Variants in UBE2E2 observed in about 807,000 individuals in gnomAD.
The protein encoded by UBE2E2 is ubiquitin-conjugating enzyme E2 E2.
A neutral mutation model predicts 24.7 loss-of-function variants in UBE2E2; 6 were observed. That is an observed-to-expected ratio of 0.24 (90% CI 0.13 to 0.48). UBE2E2 has a LOEUF of 0.48. UBE2E2 is among the 20% of genes least tolerant of loss of function. The pLI, the probability that UBE2E2 is intolerant of heterozygous loss-of-function variation, is 0.99. For missense variants in UBE2E2, 169 were observed against 245.0 expected (o/e 0.69, Z 2.07); for synonymous variants, 104 against 83.6 (o/e 1.24, Z -1.33).
rs6774928 is a variant in UBE2E2 at position 23,288,794 on chromosome 3, A to G, written c.227+71482A>G. 7.2e-3 allele frequency among the ~76,000 whole-genome samples: 1,091 copies of G among 152,330 alleles called. 9 individuals are homozygous for G. The highest frequency in any genetic ancestry group is 0.019 in the African/African-American group (781 of 41,564). ...AAAAAAACTTCTCTGAGCAAAAGCA[A>G]TTTGACACTTCATAACGTCTAGAAA... On this transcript the variant is annotated intron_variant, in intron 3 of 5. Transcript: ENST00000396703.
chr3:23,285,996 C>T (rs2125375055), intron 3 of UBE2E2, among the ~76,000 whole-genome samples: 1 of 152,156 alleles, frequency 6.6e-6, no homozygotes, highest in Non-Finnish European at 1.5e-5. Flanking sequence ...TGTGGATGGC[C>T]CTTTTGCCCA....
chr3:23,571,275 C>CTTTTTTTTTTTTTTTTTTT, intron 5 of UBE2E2, among the ~76,000 whole-genome samples: 1 of 29,482 alleles, frequency 3.4e-5, no homozygotes, highest in East Asian at 7.3e-4. Flanking sequence ...CCTGTGTGCT[C>CTTTTTTTTTTTTTTTTTTT]CTTTCTTTTT....
chr3:23,505,022 C>T (rs1462034749), intron 4 of UBE2E2, among the ~76,000 whole-genome samples: 2 of 149,994 alleles, frequency 1.3e-5, no homozygotes, highest in African/African-American at 4.9e-5. Context: ...CCTTTCACGT[C>T]AGCCTCCCAA....
chr3:23,491,521 C>T (rs1699495515), intron 3 of UBE2E2, among the ~76,000 whole-genome samples: 3 of 152,144 alleles, frequency 2.0e-5, no homozygotes, highest in Admixed American at 6.5e-5. Context: ...GTCAGACCTA[C>T]AGAACATCTT....
rs542985292 is a variant in UBE2E2, at chr3:23,514,573, G to T, written c.360+14833G>T. On this transcript the variant is annotated intron_variant, in intron 4 of 5. Coordinates refer to ENST00000396703, the MANE Select transcript of UBE2E2 (RefSeq NM_152653.4). Reference sequence around the variant, plus strand: ...GCCATAAAGGCATCCAGTAAACCCAGTAGAAAGTAATATTTTATTATTATT... The same window carrying T: ...GCCATAAAGGCATCCAGTAAACCCATTAGAAAGTAATATTTTATTATTATT... 7.2e-5 allele frequency among the ~76,000 whole-genome samples: 11 copies of T among 152,040 alleles called. 1 individual carries two copies. The South Asian group carries it at 2.3e-3, about 32-fold the overall frequency.
In UBE2E2 at chr3:23,208,794, A is replaced by T; in HGVS notation, c.95A>T (p.Glu32Val). The T allele has an allele frequency of 6.2e-7, 1 of 1,613,832 alleles. No individual in the cohort carries two copies. Among genetic ancestry groups the T allele is most frequent in the Non-Finnish European group, 8.5e-7 (1 of 1,179,808 alleles). ...CGTGAAAGTGTTCAGCAAGAACCAG[A>T]AAGAGAACAAGTTCAGCCCAAGAAA... ...DQRESVQQEP[E>V]REQVQPKKKE... Residue 32 changes from glutamate (E) to valine (V), a missense_variant, in exon 2 of 6, where the codon GAA becomes GTA. Transcript: ENST00000396703.
At chr3:23,539,443 T>C (rs1695338831) in intron 5 of UBE2E2, among the ~76,000 whole-genome samples, 1 of 152,204 alleles carries the variant, frequency 6.6e-6, no homozygotes, top group African/African-American at 2.4e-5. Context: ...GCTTTTAAAG[T>C]TTAAAGTTTC....
intron 3 of UBE2E2, among the ~76,000 whole-genome samples, chr3:23,392,160 T>A (rs1394342883): frequency 6.6e-6 from 1 of 152,182 alleles, no homozygotes; most frequent in South Asian, 2.1e-4. Context: ...GCATTATGCT[T>A]AGACAGATGG....
intron 5 of UBE2E2, among the ~76,000 whole-genome samples, chr3:23,564,755 A>G (rs1376764781): frequency 6.6e-6 from 1 of 152,190 alleles, no homozygotes; most frequent in Non-Finnish European, 1.5e-5. Flanking sequence ...ACAACCAAGA[A>G]GCCAGGTTTC....
At chr3:23,255,562 A>G (rs1400312871) in intron 3 of UBE2E2, among the ~76,000 whole-genome samples, 1 of 152,114 alleles carries the variant, frequency 6.6e-6, no homozygotes, top group Non-Finnish European at 1.5e-5. Context: ...TTGAGAAATA[A>G]AGTTGTAGAG....
At chr3:23,306,434 C>T (rs1699238367) in intron 3 of UBE2E2, among the ~76,000 whole-genome samples, 1 of 152,176 alleles carries the variant, frequency 6.6e-6, no homozygotes, top group Non-Finnish European at 1.5e-5. Context: ...TCCCCTTCCC[C>T]ATGCATTCAT....
chr3:23,559,030 A>G (rs1695857138), intron 5 of UBE2E2, among the ~76,000 whole-genome samples: 1 of 152,224 alleles, frequency 6.6e-6, no homozygotes, highest in Non-Finnish European at 1.5e-5. Flanking sequence ...TGGAAAACTG[A>G]AGTCTCAACA....
chr3:23,238,608 A>C (rs1227371857), intron 3 of UBE2E2, among the ~76,000 whole-genome samples: 1 of 152,158 alleles, frequency 6.6e-6, no homozygotes, highest in Non-Finnish European at 1.5e-5. Context: ...CTCTTACCTG[A>C]GATGCTTGGG....
At chr3:23,393,824 G>A (rs1360047075) in intron 3 of UBE2E2, among the ~76,000 whole-genome samples, 2 of 152,014 alleles carry the variant, frequency 1.3e-5, no homozygotes, top group Non-Finnish European at 2.9e-5. Context: ...AAAATGATAT[G>A]AAATTCACAT....
intron 3 of UBE2E2, among the ~76,000 whole-genome samples, chr3:23,333,379 T>G (rs1695119950): frequency 6.6e-6 from 1 of 152,230 alleles, no homozygotes; most frequent in Non-Finnish European, 1.5e-5. Flanking sequence ...CTTGGTTATT[T>G]TTTTCTTTAA....
intron 3 of UBE2E2, among the ~76,000 whole-genome samples, chr3:23,354,036 G>A (rs1022362008): frequency 6.6e-6 from 1 of 152,180 alleles, no homozygotes; most frequent in African/African-American, 2.4e-5. Context: ...TACCAAAACA[G>A]AGATATAGAT....
chr3:23,260,808 G>C (rs558407704), intron 3 of UBE2E2, among the ~76,000 whole-genome samples: 2 of 152,160 alleles, frequency 1.3e-5, no homozygotes, highest in South Asian at 4.1e-4. Context: ...GGGTTGGAGG[G>C]AGACAGTAAT....
At chr3:23,546,158 AAATT>A (rs1427554137) in intron 5 of UBE2E2, among the ~76,000 whole-genome samples, 13 of 152,240 alleles carry the variant, frequency 8.5e-5, no homozygotes, top group African/African-American at 2.7e-4. Flanking sequence ...TATTGAAATA[AAATT>A]AATTAAACAT....
At chr3:23,417,909 G>A (rs1398312147) in intron 3 of UBE2E2, among the ~76,000 whole-genome samples, 1 of 152,024 alleles carries the variant, frequency 6.6e-6, no homozygotes, top group Admixed American at 6.6e-5. Flanking sequence ...TCCCTCCCGT[G>A]CCCAAGGTCC....
Sources: gnomAD v4.1 joint callset for allele counts (sites outside exome capture counted in the v4.1 genomes callset) on GRCh38, gnomAD v4.1.1 for gene constraint, MANE v1.5 for transcripts, NCBI Gene and HGNC (gene_info 2026-07-23, HGNC 2026-07-21) for gene names.